The following AGRN variants were observed in gnomAD, a reference collection of about 807,000 sequenced individuals.
AGRN encodes agrin, also known as agrin proteoglycan.
In AGRN, 106 loss-of-function variants were observed where a neutral mutation model predicts 211.0. The ratio of observed to expected loss-of-function variants is 0.50; its 90% CI spans 0.43 to 0.59. The LOEUF (loss-of-function observed/expected upper bound fraction) is 0.59, where lower values mean the gene tolerates loss of function less well. AGRN is among the 20% of genes least tolerant of loss of function. AGRN has a pLI of 0.00. For missense variants in AGRN, 3,040 were observed against 2,982.6 expected, an observed-to-expected ratio of 1.02 and a Z score of -0.45; for synonymous variants, 1,525 against 1,332.5, an observed-to-expected ratio of 1.14 and a Z score of -3.15.
chr1:1,025,757 C>G (rs956672059), intron 2 of AGRN, among the ~76,000 whole-genome samples: 3 of 152,032 alleles, frequency 2.0e-5, no homozygotes, highest in Non-Finnish European at 2.9e-5. Flanking sequence ...ACCTCTGTCC[C>G]TCCCCACTCA....
intron 3 of AGRN, among the ~76,000 whole-genome samples, chr1:1,039,028 C>T (rs958554366): frequency 2.2e-4 from 33 of 152,194 alleles, no homozygotes; most frequent in Admixed American, 2.0e-3. Flanking sequence ...CTAAGCTTTG[C>T]AGATACTGGC....
intron 1 of AGRN, among the ~76,000 whole-genome samples, chr1:1,021,539 C>T (rs947128277): frequency 1.3e-5 from 2 of 152,254 alleles, no homozygotes; most frequent in African/African-American, 2.4e-5. Flanking sequence ...CGGCTTTGTT[C>T]TCAGGGGAGT....
rs1242774592 is a variant in AGRN, at chr1:1,051,468, C to T, written c.5386C>T (p.Arg1796Cys). Residue 1796 changes from arginine to cysteine, a missense_variant, in exon 32 of 36, where the codon CGC (arginine) becomes TGC (cysteine). Arg to Cys is a radical substitution (Grantham distance 180). Around this residue, in one of 3 missense-constraint regions of AGRN, gnomAD observed 1,537 missense variants for 1,505.0 expected, o/e 1.02. Coordinates refer to ENST00000379370, the MANE Select transcript of AGRN (RefSeq NM_198576.4). ...TGCCCTGCAGGTCTCCCTCGGAGGC[C>T]GCCAGCTGCTGACCCCGGAGCACGT... is the stretch of plus-strand genomic sequence containing the variant. ...GAIQLVSLGG[R>C]QLLTPEHVLR... 1.2e-5 allele frequency: 18 copies of T among 1,562,946 alleles called. No individual in the cohort carries two copies. Among genetic ancestry groups the T allele is most frequent in the East Asian group, 2.3e-5 (1 of 43,198 alleles).
rs1645076234 is a variant in AGRN at position 1,045,857 on chromosome 1, C to T, written c.2661C>T (p.Gly887=). The T allele has an allele frequency of 6.2e-7, 1 of 1,611,156 alleles. No homozygotes were observed. The highest frequency in any genetic ancestry group is 2.2e-5 in the East Asian group (1 of 44,872). The change falls in exon 15 of 36, where the codon GGC becomes GGT. Residue 887 remains glycine, a synonymous_variant. Transcript: ENST00000379370. ...CGQCPDGRAL[G]PAGCEADASA... Reference sequence around the variant, plus strand: ...AGTGTCCAGACGGCCGTGCCCTGGGCCCCGCGGGCTGTGAAGCTGGTGAGT... The same window carrying T: ...AGTGTCCAGACGGCCGTGCCCTGGGTCCCGCGGGCTGTGAAGCTGGTGAGT...
intron 2 of AGRN, among the ~76,000 whole-genome samples, chr1:1,029,284 A>G (rs942800254): frequency 6.6e-6 from 1 of 151,290 alleles, no homozygotes; most frequent in Non-Finnish European, 1.5e-5. Flanking sequence ...GTGGGAGGTG[A>G]GGAGAACGTG....
intron 3 of AGRN, among the ~76,000 whole-genome samples, chr1:1,037,787 G>T (rs1644835835): frequency 6.6e-6 from 1 of 152,222 alleles, no homozygotes. Context: ...TAGCAGTGTG[G>T]CCTTGTCAGG....
intron 22 of AGRN, 49 bp from the exon 23 acceptor site, chr1:1,047,963 C>CT (rs1333981393): frequency 2.5e-6 from 4 of 1,572,594 alleles, no homozygotes; most frequent in Non-Finnish European, 3.5e-6. Context: ...CCCCTCACCC[C>CT]TTCCTGGCCC....
At chr1:1,052,716 G>A (rs1645340276) in intron 33 of AGRN, 1 of 156,918 alleles carries the variant, frequency 6.4e-6, no homozygotes, top group African/African-American at 2.5e-5. Flanking sequence ...GTGTGTATAT[G>A]AGGGAGACAC....
chr1:1,039,513 ACATT>A (rs778684325), intron 3 of AGRN, among the ~76,000 whole-genome samples: 2 of 151,730 alleles, frequency 1.3e-5, no homozygotes, highest in Non-Finnish European at 2.9e-5. Flanking sequence ...ACCCAATTAA[ACATT>A]TATTAAATCC....
intron 6 of AGRN, 39 bp downstream of exon 6, chr1:1,041,741 A>C (rs1330767679): frequency 6.5e-7 from 1 of 1,534,702 alleles, no homozygotes; most frequent in Admixed American, 1.9e-5. Flanking sequence ...GGCCAGTGCC[A>C]GGGTCGAGGT....
rs1645164455 is a variant in AGRN, at chr1:1,048,380, T to A, written c.4105+15T>A. On this transcript the variant is annotated intron_variant, in intron 23 of 35. Transcript: ENST00000379370. The surrounding 1 kb of genome is among the most constrained non-coding windows in gnomAD (Gnocchi z 5.9). ...CTGTGAGAAGGGTAAGGATGTCCACTGCAGAGGAGGGCGGGGAGGCAGCAG... is the reference window on the plus strand; with the variant it reads ...CTGTGAGAAGGGTAAGGATGTCCACAGCAGAGGAGGGCGGGGAGGCAGCAG... The A allele has an allele frequency of 7.4e-7, 1 of 1,355,528 alleles. No individual in the cohort carries two copies. The highest frequency in any genetic ancestry group is 9.9e-7 in the Non-Finnish European group (1 of 1,014,152). 84.0% of individuals were successfully genotyped at this position (1,355,528 alleles called of 1,614,324 possible).
chr1:1,044,143 G>C lies in AGRN; in HGVS notation c.2034G>C (p.Glu678Asp). ...ECGSGGSGSG[E>D]DGDCEQELCR... ...GTTCCGGAGGCTCTGGCTCTGGGGA[G>C]GACGGTGACTGTGAGCAGGAGCTGT... Residue 678 changes from glutamate to aspartate, a missense_variant, in exon 11 of 36, where the codon GAG (glutamate) becomes GAC (aspartate). Coordinates refer to ENST00000379370, the MANE Select transcript of AGRN (RefSeq NM_198576.4). The C allele has an allele frequency of 6.2e-7, 1 of 1,613,296 alleles. No individual in the cohort carries two copies. The highest frequency in any genetic ancestry group is 8.5e-7 in the Non-Finnish European group (1 of 1,179,940).
At chr1:1,052,588 G>T (rs1645333211) in intron 33 of AGRN, 1 of 200,924 alleles carries the variant, frequency 5.0e-6, no homozygotes, top group Admixed American at 5.4e-5. Context: ...GTGTCTGAGT[G>T]TGTGCGCACA....
rs771715098 is a variant in AGRN, at chr1:1,051,258, G to T, written c.5259G>T (p.Pro1753=). ...GPRVLGESPV[P]HTVLNLKEPL... Reference sequence around the variant, plus strand: ...CTTACCTGGCGTCCCCGCAGGTTCCGCACACCGTCCTCAACCTGAAGGAGC... The same window carrying T: ...CTTACCTGGCGTCCCCGCAGGTTCCTCACACCGTCCTCAACCTGAAGGAGC... The change falls in exon 31 of 36, where the codon CCG becomes CCT. Residue 1753 remains proline (P), a synonymous_variant. Coordinates refer to ENST00000379370, the MANE Select transcript of AGRN (RefSeq NM_198576.4). 1 of 1,581,424 alleles carries T rather than the reference G, an allele frequency of 6.3e-7. No homozygotes were observed.
Position 1,041,501 on chromosome 1 carries a change from G to T in AGRN, c.976G>T (p.Asp326Tyr). Residue 326 changes from aspartate to tyrosine, a missense_variant, in exon 6 of 36, where the codon GAC becomes TAC. Asp to Tyr is a radical substitution (Grantham distance 160, BLOSUM62 -3). Transcript: ENST00000379370. ...AGACCCCTGTCAGGGCGCCCTCCCT[G>T]ACCCGAGCCGCAGCTGCCGTGTGAA... ...PCDPCQGALP[D>Y]PSRSCRVNPR... 2 of 1,597,794 alleles carry T rather than the reference G, an allele frequency of 1.3e-6. No individual in the cohort carries two copies. Among genetic ancestry groups the T allele is most frequent in the Non-Finnish European group, 1.7e-6 (2 of 1,177,986 alleles).
chr1:1,035,289 C>A lies in AGRN; in HGVS notation c.476C>A (p.Thr159Asn). 1 of 1,613,110 alleles carries A rather than the reference C, an allele frequency of 6.2e-7. No homozygotes were observed. Residue 159 changes from threonine to asparagine, a missense_variant, in exon 3 of 36, where the codon ACC (threonine) becomes AAC (asparagine). Coordinates refer to ENST00000379370, the MANE Select transcript of AGRN (RefSeq NM_198576.4). Reference sequence around the variant, plus strand: ...TGTTTTCTTCCAGATAAACCCGGGACCCACTTCACTCCAGTGCCTCCGACG... The same window carrying A: ...TGTTTTCTTCCAGATAAACCCGGGAACCACTTCACTCCAGTGCCTCCGACG... ...VEFCVEDKPG[T>N]HFTPVPPTPP...
At chr1:1,040,532 G>A in intron 3 of AGRN, 133 bp from the exon 4 acceptor site, 2 of 1,097,962 alleles carry the variant, frequency 1.8e-6, no homozygotes, top group Non-Finnish European at 2.6e-6. Flanking sequence ...GCGTGTCCGT[G>A]TCCGTGGTGG....
At chr1:1,034,754 C>G in intron 2 of AGRN, 4 of 1,014,160 alleles carry the variant, frequency 3.9e-6, no homozygotes, top group Non-Finnish European at 3.6e-6. Flanking sequence ...AACCCCGAGG[C>G]CCCTGCACAT....
chr1:1,044,168 T>C lies in AGRN; in HGVS notation c.2059T>C (p.Cys687Arg). 1.2e-6 allele frequency: 2 copies of C among 1,613,146 alleles called. No homozygotes were observed. The highest frequency in any genetic ancestry group is 1.3e-5 in the African/African-American group (1 of 74,968). The change falls in exon 11 of 36, where the codon TGC (cysteine) becomes CGC (arginine). Residue 687 changes from cysteine (C) to arginine (R), a missense_variant. Physicochemically the swap from Cys to Arg is radical, Grantham distance 180. Transcript: ENST00000379370. ...GEDGDCEQEL[C>R]RQRGGIWDED... ...GGACGGTGACTGTGAGCAGGAGCTG[T>C]GCCGGCAGCGCGGTGGCATCTGGGA...
Sources: gnomAD v4.1 joint callset for allele counts (sites outside exome capture counted in the v4.1 genomes callset) on GRCh38, gnomAD v4.1.1 for gene constraint, gnomAD v4.1.1 regional missense constraint, Gnocchi (gnomAD v3.1) non-coding constraint, MANE v1.5 for transcripts, NCBI Gene and HGNC (gene_info 2026-07-23, HGNC 2026-07-21) for gene names.